LRBA: variants seen among roughly 807,000 people sequenced by gnomAD.
The protein encoded by LRBA is lipopolysaccharide-responsive and beige-like anchor protein.
Under a neutral mutation model 330.0 loss-of-function variants are expected in LRBA, and 176 were observed. The observed-to-expected ratio is 0.53, with a 90% CI of 0.47 to 0.60. The LOEUF is 0.60. LRBA is among the 20% of genes least tolerant of loss of function. LRBA has a pLI of 0.00. For missense variants in LRBA, 3,259 were observed against 3,444.8 expected, an observed-to-expected ratio of 0.95 and a Z score of 1.35; for synonymous variants, 1,230 against 1,193.0, an observed-to-expected ratio of 1.03 and a Z score of -0.64.
intron 44 of LRBA, among the ~76,000 whole-genome samples, chr4:150,457,137 ATT>A (rs985440305): frequency 2.0e-5 from 3 of 152,116 alleles, no homozygotes; most frequent in African/African-American, 7.2e-5. Flanking sequence ...CAATAATATG[ATT>A]TTGTTTGCAG....
intron 48 of LRBA, among the ~76,000 whole-genome samples, chr4:150,335,717 G>A (rs1734638897): frequency 6.6e-6 from 1 of 151,956 alleles, no homozygotes; most frequent in African/African-American, 2.4e-5. Flanking sequence ...TCTTTTTTGA[G>A]ATAGGATTTC....
chr4:150,465,957 G>A (rs1755397928), intron 44 of LRBA, among the ~76,000 whole-genome samples: 1 of 152,000 alleles, frequency 6.6e-6, no homozygotes, highest in South Asian at 2.1e-4. Flanking sequence ...AATAAATTAT[G>A]AAATGTATTA....
intron 40 of LRBA, chr4:150,579,503 T>C: frequency 2.6e-6 from 1 of 382,222 alleles, no homozygotes; most frequent in Non-Finnish European, 5.1e-6. Context: ...TGATTTATTA[T>C]TTACTAGAGC....
chr4:150,892,886 G>T (rs1246070835), intron 17 of LRBA, among the ~76,000 whole-genome samples, 166 bp downstream of exon 17: 1 of 151,870 alleles, frequency 6.6e-6, no homozygotes. Flanking sequence ...TATAATTAAA[G>T]ATTCATTGAA....
chr4:150,366,580 G>C (rs75787207), intron 47 of LRBA, among the ~76,000 whole-genome samples: 2 of 152,258 alleles, frequency 1.3e-5, no homozygotes, highest in Admixed American at 1.3e-4. Context: ...GAGCTAGGCC[G>C]AGAGATGCAG....
intron 44 of LRBA, among the ~76,000 whole-genome samples, chr4:150,462,216 T>A (rs72955896): frequency 0.026 from 3,910 of 151,940 alleles, 146 homozygotes; most frequent in African/African-American, 0.085. Context: ...CAGTCAGAAT[T>A]TCAGACTACT....
At chr4:150,488,768 T>A (rs544376551) in intron 41 of LRBA, among the ~76,000 whole-genome samples, 91 of 134,524 alleles carry the variant, frequency 6.8e-4, no homozygotes, top group African/African-American at 2.3e-3. Flanking sequence ...AAAAAAAAAA[T>A]ATACCAATGT....
intron 22 of LRBA, among the ~76,000 whole-genome samples, chr4:150,864,148 G>C (rs538247121): frequency 1.3e-5 from 2 of 152,080 alleles, no homozygotes; most frequent in African/African-American, 2.4e-5. Context: ...ATGTTGGCCA[G>C]GATGATCTCA....
chr4:150,683,811 A>G (rs1417910780), intron 36 of LRBA, 94 bp from the exon 37 acceptor site: 2 of 880,974 alleles, frequency 2.3e-6, no homozygotes, highest in African/African-American at 3.4e-5. Flanking sequence ...AAAACAACCA[A>G]AATTTTAAAT....
chr4:150,489,823 A>C (rs1185413372), intron 41 of LRBA, among the ~76,000 whole-genome samples: 1 of 144,876 alleles, frequency 6.9e-6, no homozygotes, highest in East Asian at 2.0e-4. Context: ...CATATCCACT[A>C]TTATACTGAA....
intron 2 of LRBA, among the ~76,000 whole-genome samples, chr4:150,965,005 C>T (rs1041897883): frequency 6.6e-6 from 1 of 152,084 alleles, no homozygotes; most frequent in Admixed American, 6.6e-5. Flanking sequence ...GTTGGAGATG[C>T]TACAGAGGCA....
intron 30 of LRBA, among the ~76,000 whole-genome samples, chr4:150,818,902 C>T (rs975227527): frequency 6.6e-6 from 1 of 151,990 alleles, no homozygotes; most frequent in South Asian, 2.1e-4. Context: ...CTCAACAATT[C>T]CACTTCTAGG....
chr4:150,363,646 A>G (rs1472689877), intron 47 of LRBA, among the ~76,000 whole-genome samples: 2 of 152,226 alleles, frequency 1.3e-5, no homozygotes, highest in South Asian at 2.1e-4. Flanking sequence ...ATGAATGACT[A>G]TATCGCTTAA....
intron 2 of LRBA, among the ~76,000 whole-genome samples, chr4:150,952,457 A>C (rs1038473542): frequency 6.6e-6 from 1 of 152,176 alleles, no homozygotes; most frequent in Non-Finnish European, 1.5e-5. Flanking sequence ...TTTCATTTTC[A>C]CTTCATACTT....
At chr4:150,698,739 T>G (rs944227655) in intron 36 of LRBA, among the ~76,000 whole-genome samples, 2 of 152,196 alleles carry the variant, frequency 1.3e-5, no homozygotes, top group Admixed American at 1.3e-4. Flanking sequence ...AAATTATTAT[T>G]TCTTGTTATA....
chr4:150,930,634 T>C (rs1052325966), intron 2 of LRBA, among the ~76,000 whole-genome samples: 3 of 152,168 alleles, frequency 2.0e-5, no homozygotes, highest in African/African-American at 7.2e-5. Context: ...ATCAACAACA[T>C]GTATCCCAGG....
chr4:150,334,559 T>G (rs1415394024), intron 48 of LRBA, among the ~76,000 whole-genome samples: 1 of 152,106 alleles, frequency 6.6e-6, no homozygotes, highest in African/African-American at 2.4e-5. Context: ...TACATACATA[T>G]GCATGAACAC....
Position 150,900,029 on chromosome 4 carries a change from T to A in LRBA, c.1924+20A>T. 1 of 1,583,828 alleles carries A rather than the reference T, an allele frequency of 6.3e-7. No homozygotes were observed. The highest frequency in any genetic ancestry group is 1.3e-5 in the African/African-American group (1 of 74,260). ...TGATTTGCATTTGTGTAAAGTAATA[T>A]ACAGACAGAAATTATATACCTAATC... is the stretch of plus-strand genomic sequence containing the variant. On this transcript the variant is annotated intron_variant, in intron 14 of 56. Coordinates refer to ENST00000651943, the MANE Select transcript of LRBA (RefSeq NM_001364905.1).
intron 17 of LRBA, among the ~76,000 whole-genome samples, chr4:150,886,959 GTTAA>G (rs1170472308): frequency 1.3e-5 from 2 of 152,014 alleles, no homozygotes; most frequent in Admixed American, 1.3e-4. Flanking sequence ...GAAAATAAAG[GTTAA>G]CAAAGTCTAA....
Sources: gnomAD v4.1 joint callset for allele counts (sites outside exome capture counted in the v4.1 genomes callset) on GRCh38, gnomAD v4.1.1 for gene constraint, MANE v1.5 for transcripts, NCBI Gene and HGNC (gene_info 2026-07-23, HGNC 2026-07-21) for gene names.